NOSTRIN: variants seen among roughly 807,000 people sequenced by gnomAD.
NOSTRIN encodes the protein BM247 homolog.
In NOSTRIN, 63 loss-of-function variants were observed where a neutral mutation model predicts 59.0. The ratio of observed to expected loss-of-function variants is 1.07; its 90% CI spans 0.87 to 1.32. The LOEUF (loss-of-function observed/expected upper bound fraction) is 1.32. Ranked by LOEUF, NOSTRIN falls within the 40% of genes most tolerant of loss-of-function variation. The probability of loss-of-function intolerance (pLI) is 0.00; values close to 1 mark genes in which losing one functional copy is unlikely to be tolerated. For synonymous variants in NOSTRIN, 200 were observed against 165.4 expected, an observed-to-expected ratio of 1.21 and a Z score of -1.61; for missense variants, 512 against 473.1, an observed-to-expected ratio of 1.08 and a Z score of -0.76.
intron 2 of NOSTRIN, among the ~76,000 whole-genome samples, chr2:168,813,290 A>G (rs935878836): frequency 5.3e-5 from 8 of 152,300 alleles, no homozygotes; most frequent in South Asian, 2.1e-4. Flanking sequence ...TCATCTGGGC[A>G]TTAATTATTT....
chr2:168,832,543 C>T (rs1285027782), intron 6 of NOSTRIN, among the ~76,000 whole-genome samples: 4 of 152,072 alleles, frequency 2.6e-5, no homozygotes, highest in African/African-American at 9.7e-5. Flanking sequence ...CACTCAGAGA[C>T]AGGCAAACTT....
intron 3 of NOSTRIN, among the ~76,000 whole-genome samples, chr2:168,826,179 A>C (rs946912890): frequency 2.0e-5 from 3 of 151,906 alleles, no homozygotes; most frequent in Admixed American, 1.3e-4. Context: ...AGCTCTGTGA[A>C]TGTCCATTAC....
At chr2:168,789,897 A>G (rs2105495475) in intron 2 of NOSTRIN, among the ~76,000 whole-genome samples, 1 of 152,336 alleles carries the variant, frequency 6.6e-6, no homozygotes, top group South Asian at 2.1e-4. Context: ...AACTGGTCTC[A>G]TAAAAGAGCT....
At chr2:168,822,613 A>G (rs1206512200) in intron 2 of NOSTRIN, among the ~76,000 whole-genome samples, 1 of 152,244 alleles carries the variant, frequency 6.6e-6, no homozygotes, top group Non-Finnish European at 1.5e-5. Context: ...GGAAAACATA[A>G]TATAAATTGA....
intron 2 of NOSTRIN, among the ~76,000 whole-genome samples, chr2:168,792,543 G>A (rs899602250): frequency 2.0e-5 from 3 of 152,046 alleles, no homozygotes; most frequent in South Asian, 2.1e-4. Flanking sequence ...TCTGTCTCCC[G>A]GATTCAAGTA....
intron 8 of NOSTRIN, among the ~76,000 whole-genome samples, chr2:168,848,281 CG>C (rs1688546572): frequency 6.6e-6 from 1 of 152,240 alleles, no homozygotes; most frequent in Non-Finnish European, 1.5e-5. Context: ...GAAGGGCAGA[CG>C]GCCACATTCA....
intron 8 of NOSTRIN, among the ~76,000 whole-genome samples, chr2:168,847,635 C>A (rs1022871845): frequency 1.3e-5 from 2 of 152,326 alleles, no homozygotes; most frequent in Admixed American, 1.3e-4. Flanking sequence ...GCTTGGGCCC[C>A]AGACAGGCTC....
chr2:168,827,530 T>A (rs1687121067), intron 3 of NOSTRIN, among the ~76,000 whole-genome samples: 1 of 152,088 alleles, frequency 6.6e-6, no homozygotes, highest in Admixed American at 6.6e-5. Flanking sequence ...CTATTTTATT[T>A]CCCCTATTTT....
chr2:168,865,088 C>A lies in NOSTRIN; in HGVS notation c.*118C>A. The A allele has an allele frequency of 9.3e-7, 1 of 1,077,740 alleles. No individual in the cohort carries two copies. The highest frequency in any genetic ancestry group is 1.3e-6 in the Non-Finnish European group (1 of 751,922). The allele number at this position is 1,077,740 out of a possible 1,614,324, so 66.8% of individuals were successfully genotyped here. A position where few individuals can be genotyped will look rare whatever the true frequency, so the allele number is the denominator to read the frequency against. ...TTCTTTTGAAATGGATGGAGTTCTA[C>A]CTGCATGTCACAGCACTTTGCATTC... On this transcript the variant is annotated 3_prime_UTR_variant, in exon 16 of 16. Transcript: ENST00000317647.
intron 3 of NOSTRIN, among the ~76,000 whole-genome samples, chr2:168,826,724 C>G (rs1412931776): frequency 6.6e-6 from 1 of 152,182 alleles, no homozygotes; most frequent in Admixed American, 6.5e-5. Context: ...TAAAAATCAG[C>G]TCTACTGAGT....
chr2:168,862,845 G>A (rs1689552429), intron 15 of NOSTRIN, among the ~76,000 whole-genome samples: 5 of 152,174 alleles, frequency 3.3e-5, no homozygotes, highest in Admixed American at 2.0e-4. Context: ...AAAGAGTAAC[G>A]TTATGGGAGA....
upstream of NOSTRIN, among the ~76,000 whole-genome samples, chr2:168,799,408 C>G (rs1219527301): frequency 1.3e-5 from 2 of 152,178 alleles, no homozygotes; most frequent in Non-Finnish European, 2.9e-5. Flanking sequence ...CCAAAGTCCC[C>G]TTGGGCCATT....
intron 7 of NOSTRIN, among the ~76,000 whole-genome samples, chr2:168,835,623 G>T (rs534858745): frequency 6.6e-6 from 1 of 152,282 alleles, no homozygotes; most frequent in African/African-American, 2.4e-5. Context: ...GCCAGAAAAT[G>T]TCTGTAAAAT....
intron 2 of NOSTRIN, among the ~76,000 whole-genome samples, chr2:168,824,135 A>C (rs1237862082): frequency 1.3e-5 from 2 of 152,162 alleles, no homozygotes; most frequent in South Asian, 4.1e-4. Context: ...CCTCTTGGAT[A>C]CCCTTCAGGA....
At position 168,834,051 on chromosome 2, in the gene NOSTRIN, G is replaced by T. The variant is rs887802436; in HGVS notation, c.406-176G>T. On this transcript the variant is annotated intron_variant, in intron 6 of 15. Coordinates refer to ENST00000317647, the MANE Select transcript of NOSTRIN (RefSeq NM_001039724.4). ...TCTGATGTTTTAGGTACATTTTGAA[G>T]TGAGGATGGGAATGAAGAACTAAAA... 7.4e-6 allele frequency: 4 copies of T among 538,548 alleles called. No homozygotes were observed. The East Asian group carries it at 1.2e-4, about 16-fold the overall frequency. The allele number at this position is 538,548 out of a possible 1,614,324, so 33.4% of individuals were successfully genotyped here.
chr2:168,860,957 C>A, intron 14 of NOSTRIN, 48 bp downstream of exon 14: 1 of 1,161,960 alleles, frequency 8.6e-7, no homozygotes, highest in Non-Finnish European at 1.3e-6. Context: ...ACTGGCAGGG[C>A]ACATTGCTAC....
intron 2 of NOSTRIN, among the ~76,000 whole-genome samples, chr2:168,793,137 C>G (rs1165333592): frequency 6.6e-6 from 1 of 152,194 alleles, no homozygotes; most frequent in Non-Finnish European, 1.5e-5. Flanking sequence ...TTAATCCAGT[C>G]CATCACCCAG....
intron 2 of NOSTRIN, 121 bp downstream of exon 2, chr2:168,811,773 G>A (rs539048200): frequency 6.0e-6 from 3 of 504,142 alleles, no homozygotes; most frequent in East Asian, 3.5e-5. Context: ...TTTGGTACTC[G>A]AGAGATTGCT....
At chr2:168,829,026 A>G (rs879147193) in intron 5 of NOSTRIN, among the ~76,000 whole-genome samples, 1 of 152,110 alleles carries the variant, frequency 6.6e-6, no homozygotes, top group Non-Finnish European at 1.5e-5. Flanking sequence ...TTGCATTTTT[A>G]AAATAATTTT....
Sources: allele counts gnomAD v4.1 joint callset (sites outside exome capture counted in the v4.1 genomes callset), GRCh38; gene constraint gnomAD v4.1.1; transcripts MANE v1.5; gene names NCBI Gene and HGNC (gene_info 2026-07-23, HGNC 2026-07-21).